The following TENM4 variants were observed in gnomAD, a reference collection of about 807,000 sequenced individuals.
TENM4 encodes the protein teneurin transmembrane protein 4, also known as teneurin-4.
In TENM4, 82 loss-of-function variants were observed where a neutral mutation model predicts 243.3. The observed-to-expected ratio is 0.34, with a 90% CI of 0.28 to 0.40. TENM4 has a LOEUF of 0.40. Ranked by LOEUF, TENM4 falls within the 10% of genes least tolerant of loss-of-function variation. The pLI is 1.00. For synonymous variants in TENM4, 1,412 were observed against 1,456.3 expected (o/e 0.97, Z 0.69); for missense variants, 3,138 against 3,673.3 (o/e 0.85, Z 3.77).
chr11:78,774,191 A>G (rs1339592071), intron 17 of TENM4, among the ~76,000 whole-genome samples: 1 of 152,240 alleles, frequency 6.6e-6, no homozygotes, highest in South Asian at 2.1e-4. Flanking sequence ...GGTAACATAC[A>G]TAGGGATTCA....
In TENM4 at chr11:78,654,996, C is replaced by T. The variant is rs1029914852; in HGVS notation, c.*3062G>A. The T allele has an allele frequency of 3.3e-5, 5 of 152,334 alleles. No homozygotes were observed. Among genetic ancestry groups the T allele is most frequent in the African/African-American group, 1.2e-4 (5 of 41,408 alleles). 9.4% of individuals were successfully genotyped at this position (152,334 alleles called of 1,614,324 possible). A position where few individuals can be genotyped will look rare whatever the true frequency, so the allele number is the denominator to read the frequency against. On this transcript the variant is annotated 3_prime_UTR_variant, in exon 34 of 34. Coordinates refer to ENST00000278550, the MANE Select transcript of TENM4 (RefSeq NM_001098816.3). The stretch of plus-strand genomic sequence containing the variant: ...GGTGAGGGAGGCCTGGTCACTCTAT[C>T]GAATGAACAGATTTGGTTGGTGAGT...
At chr11:79,013,862 C>T (rs777848539) in intron 6 of TENM4, among the ~76,000 whole-genome samples, 1 of 152,202 alleles carries the variant, frequency 6.6e-6, no homozygotes, top group Admixed American at 6.5e-5. Context: ...CAGTGGCCCT[C>T]AAGGCCCTCA....
intron 12 of TENM4, among the ~76,000 whole-genome samples, chr11:78,818,373 T>A (rs1365031433): frequency 1.3e-5 from 2 of 152,206 alleles, no homozygotes; most frequent in Non-Finnish European, 2.9e-5. Context: ...AAAGCATATT[T>A]TCTGTGACTG....
intron 1 of TENM4, among the ~76,000 whole-genome samples, chr11:79,341,902 C>T (rs1193185131): frequency 4.6e-5 from 7 of 152,158 alleles, no homozygotes; most frequent in South Asian, 4.2e-4. Context: ...TGAGTTCCAG[C>T]AAATATACCC....
At chr11:79,034,504 TA>T (rs1371919032) in intron 6 of TENM4, among the ~76,000 whole-genome samples, 1 of 152,200 alleles carries the variant, frequency 6.6e-6, no homozygotes, top group Non-Finnish European at 1.5e-5. Flanking sequence ...TTTAGCTTTC[TA>T]GGAATTTTTT....
chr11:79,347,690 G>C (rs1342604667), intron 1 of TENM4, among the ~76,000 whole-genome samples: 1 of 148,000 alleles, frequency 6.8e-6, no homozygotes, highest in East Asian at 2.0e-4. Flanking sequence ...CCATTTCCCT[G>C]TCTATAAAAA....
At position 78,668,993 on chromosome 11, in the gene TENM4, A is replaced by G; in HGVS notation, c.7352T>C (p.Met2451Thr). 3 of 1,613,980 alleles carry G rather than the reference A, an allele frequency of 1.9e-6. No homozygotes were observed. Among genetic ancestry groups the G allele is most frequent in the Non-Finnish European group, 2.5e-6 (3 of 1,179,898 alleles). ...SSNVMPFNLY[M>T]FKNNNPISNS... ...GCTGATGGGGTTGTTGTTTTTGAAC[A>G]TATAGAGATTAAAAGGCATGACGTT... Residue 2451 changes from methionine to threonine, a missense_variant, in exon 32 of 34, where the codon ATG (methionine) becomes ACG (threonine). Around this residue, in one of 2 missense-constraint regions of TENM4, gnomAD observed 2,467 missense variants for 3,059.1 expected, o/e 0.81. Coordinates refer to ENST00000278550, the MANE Select transcript of TENM4 (RefSeq NM_001098816.3).
chr11:79,036,305 G>A (rs1407832790), intron 6 of TENM4, among the ~76,000 whole-genome samples: 1 of 152,210 alleles, frequency 6.6e-6, no homozygotes, highest in Admixed American at 6.5e-5. Context: ...TTGTTCCTGT[G>A]TATCGCAGGC....
At chr11:78,912,818 CCTGTCT>C (rs1167164707) in intron 6 of TENM4, among the ~76,000 whole-genome samples, 1 of 152,224 alleles carries the variant, frequency 6.6e-6, no homozygotes, top group Non-Finnish European at 1.5e-5. Flanking sequence ...AGCATCAAAA[CCTGTCT>C]CTTTTAAGCA....
chr11:79,418,050 T>C (rs1248306408), intron 1 of TENM4, among the ~76,000 whole-genome samples: 1 of 152,240 alleles, frequency 6.6e-6, no homozygotes, highest in Non-Finnish European at 1.5e-5. Context: ...AGTGGGATTG[T>C]CTGTCTCCTC....
intron 28 of TENM4, 133 bp from the exon 29 acceptor site, chr11:78,688,359 C>A: frequency 1.0e-6 from 1 of 979,700 alleles, no homozygotes; most frequent in South Asian, 1.7e-5. Flanking sequence ...CCCATGTCTC[C>A]CACATATCTT....
chr11:79,046,437 G>A (rs952307279), intron 6 of TENM4, among the ~76,000 whole-genome samples: 4 of 150,900 alleles, frequency 2.7e-5, no homozygotes, highest in South Asian at 2.1e-4. Context: ...TCTGTTATGG[G>A]ATGAACTCTC....
chr11:79,333,316 A>G (rs1824565543), intron 1 of TENM4, among the ~76,000 whole-genome samples: 1 of 152,220 alleles, frequency 6.6e-6, no homozygotes, highest in South Asian at 2.1e-4. Flanking sequence ...TGCTCTGGAC[A>G]CTGAAATATA....
intron 4 of TENM4, among the ~76,000 whole-genome samples, chr11:79,085,670 T>A (rs1485740780): frequency 6.6e-6 from 1 of 152,168 alleles, no homozygotes; most frequent in Non-Finnish European, 1.5e-5. Context: ...TTTATTTGCC[T>A]TCCCCTGATT....
chr11:79,367,937 A>C (rs1334609415), intron 1 of TENM4, among the ~76,000 whole-genome samples: 1 of 152,234 alleles, frequency 6.6e-6, no homozygotes, highest in African/African-American at 2.4e-5. Context: ...TAATAGCAAT[A>C]ATAAGTGATA....
intron 6 of TENM4, among the ~76,000 whole-genome samples, chr11:79,034,870 C>G (rs1015057826): frequency 5.9e-5 from 9 of 152,268 alleles, no homozygotes; most frequent in Admixed American, 2.0e-4. Context: ...AACTAGTTTT[C>G]ATAGAACTTT....
intron 29 of TENM4, 46 bp from the exon 30 acceptor site, chr11:78,676,433 G>A: frequency 6.6e-7 from 1 of 1,511,604 alleles, no homozygotes; most frequent in Non-Finnish European, 9.0e-7. Flanking sequence ...AACGAAGGTG[G>A]AGGGAGGTGT....
chr11:78,703,511 C>T lies in TENM4; in HGVS notation c.4210-1108G>A, dbSNP rs560518969. ...CCTCTGAGCCAGGCTGGGAAACTGG[C>T]ATAGGTCATGGTGAGTCTTCAAGTG... On this transcript the variant is annotated intron_variant, in intron 27 of 33. Coordinates refer to ENST00000278550, the MANE Select transcript of TENM4 (RefSeq NM_001098816.3). Among the ~76,000 whole-genome samples the T allele has an allele frequency of 9.9e-5, 15 of 152,270 alleles. No individual in the cohort carries two copies. The South Asian group carries it at 2.5e-3, about 25-fold the overall frequency.
intron 31 of TENM4, 70 bp from the exon 32 acceptor site, chr11:78,670,621 G>C: frequency 2.1e-6 from 3 of 1,395,680 alleles, no homozygotes; most frequent in Admixed American, 4.2e-5. Flanking sequence ...ACATACCCGA[G>C]ACTTAAAGGG....
Sources: gnomAD v4.1 joint callset for allele counts (sites outside exome capture counted in the v4.1 genomes callset) on GRCh38, gnomAD v4.1.1 for gene constraint, gnomAD v4.1.1 regional missense constraint, MANE v1.5 for transcripts, NCBI Gene and HGNC (gene_info 2026-07-23, HGNC 2026-07-21) for gene names.